Variants in MSRB3 observed in about 807,000 individuals in gnomAD.
MSRB3 encodes methionine sulfoxide reductase B3.
A neutral mutation model predicts 21.0 loss-of-function variants in MSRB3; 13 were observed. The ratio of observed to expected loss-of-function variants is 0.62; its 90% confidence interval spans 0.40 to 0.98. The LOEUF (loss-of-function observed/expected upper bound fraction) is 0.98, where lower values mean the gene tolerates loss of function less well. MSRB3 is among the 50% of genes least tolerant of loss of function. The pLI, the probability that MSRB3 is intolerant of heterozygous loss-of-function variation, is 0.00. For synonymous variants in MSRB3, 87 were observed against 88.6 expected (o/e 0.98, Z 0.10); for missense variants, 199 against 230.3 (o/e 0.86, Z 0.88).
chr12:65,394,432 A>G (rs1333688222), intron 5 of MSRB3, among the ~76,000 whole-genome samples: 1 of 152,224 alleles, frequency 6.6e-6, no homozygotes, highest in Non-Finnish European at 1.5e-5. Flanking sequence ...AGACAAGTAA[A>G]GAGATTAAAT....
At position 65,369,020 on chromosome 12, in the gene MSRB3, G is replaced by A. The variant is rs542501613; in HGVS notation, c.286G>A (p.Gly96Ser). Residue 96 changes from glycine to serine, a missense_variant, in exon 5 of 7, where the codon GGT becomes AGT. Physicochemically the swap from Gly to Ser is moderately conservative, Grantham distance 56. Coordinates refer to ENST00000308259, the MANE Select transcript of MSRB3 (RefSeq NM_001031679.3). The stretch of plus-strand genomic sequence containing the variant: ...CAGGTCAGAAACCAAATTTGACTCC[G>A]GTTCAGGTATGTTTACATTAATAAT... ...LFKSETKFDSGSGWPSFHDVI... is the reference protein window; with the variant it reads ...LFKSETKFDSSSGWPSFHDVI... 1.6e-5 allele frequency: 25 copies of A among 1,587,590 alleles called. No individual in the cohort carries two copies. The highest frequency in any genetic ancestry group is 2.7e-5 in the African/African-American group (2 of 72,904).
intron 6 of MSRB3, 76 bp from the exon 7 acceptor site, chr12:65,463,079 A>T: frequency 1.3e-6 from 2 of 1,573,402 alleles, no homozygotes; most frequent in Non-Finnish European, 1.7e-6. Flanking sequence ...TCATCCATTT[A>T]AACTGCTTAA....
chr12:65,289,434 A>G (rs186703090), intron 1 of MSRB3, among the ~76,000 whole-genome samples: 33 of 152,338 alleles, frequency 2.2e-4, no homozygotes, highest in African/African-American at 7.2e-4. Context: ...CAGAGGTTGC[A>G]GTGAGCCAAG....
Position 65,463,248 on chromosome 12 carries a change from G to A in MSRB3, c.484G>A (p.Ala162Thr), listed in dbSNP as rs866953404. The change falls in exon 7 of 7, where the codon GCG becomes ACG. Residue 162 changes from alanine to threonine, a missense_variant. Transcript: ENST00000308259. ...TTCGGCTGCCTTGTCTTTTACACCT[G>A]CGGATAGCAGTGGCACCGCCGAGGG... ...INSAALSFTP[A>T]DSSGTAEGGS... The A allele has an allele frequency of 6.2e-7, 1 of 1,614,178 alleles. No individual in the cohort carries two copies. Among genetic ancestry groups the A allele is most frequent in the African/African-American group, 1.3e-5 (1 of 75,042 alleles).
intron 5 of MSRB3, among the ~76,000 whole-genome samples, chr12:65,386,947 G>C (rs975929680): frequency 3.3e-5 from 5 of 151,832 alleles, no homozygotes; most frequent in African/African-American, 1.2e-4. Flanking sequence ...TAGAATTATT[G>C]GTTACACAGA....
chr12:65,363,530 C>G (rs567219214), intron 4 of MSRB3, among the ~76,000 whole-genome samples: 37 of 152,270 alleles, frequency 2.4e-4, no homozygotes, highest in African/African-American at 8.4e-4. Context: ...CTCCTAGTGT[C>G]TACCCTTTCT....
chr12:65,288,801 T>C (rs941193107), intron 1 of MSRB3, among the ~76,000 whole-genome samples: 7 of 152,278 alleles, frequency 4.6e-5, no homozygotes, highest in Non-Finnish European at 8.8e-5. Flanking sequence ...TTGGTTAATC[T>C]GGTCTTATTT....
At chr12:65,283,525 A>G (rs1872164561) in intron 1 of MSRB3, 1 of 151,772 alleles carries the variant, frequency 6.6e-6, no homozygotes. Flanking sequence ...CGAACTCCCT[A>G]GAATCAGGTG....
intron 5 of MSRB3, among the ~76,000 whole-genome samples, chr12:65,428,674 T>G (rs1881727546): frequency 6.6e-6 from 1 of 152,192 alleles, no homozygotes; most frequent in Non-Finnish European, 1.5e-5. Flanking sequence ...GGGCTTCTAA[T>G]TGACTATGGG....
At chr12:65,388,234 A>C (rs1023216916) in intron 5 of MSRB3, among the ~76,000 whole-genome samples, 1 of 152,158 alleles carries the variant, frequency 6.6e-6, no homozygotes, top group Non-Finnish European at 1.5e-5. Flanking sequence ...TTTTGTGTCC[A>C]CCAGAAAATG....
intron 5 of MSRB3, among the ~76,000 whole-genome samples, chr12:65,389,476 T>C (rs1038879699): frequency 6.6e-6 from 1 of 152,174 alleles, no homozygotes; most frequent in African/African-American, 2.4e-5. Context: ...CTTTCATCAT[T>C]GCTGTGATTT....
rs577222402 is a variant in MSRB3, at chr12:65,399,011, C to T, written c.292+29985C>T. Among the ~76,000 whole-genome samples, 7 of 152,182 alleles carry T rather than the reference C, an allele frequency of 4.6e-5. No individual in the cohort carries two copies. The South Asian group carries it at 1.5e-3, about 32-fold the overall frequency. ...ACCATGCTGTTTTGGTTACTGTAGC[C>T]TTATAGTATAGTTTGAAGTCAGGTA... On this transcript the variant is annotated intron_variant, in intron 5 of 6. Transcript: ENST00000308259.
At chr12:65,427,786 T>G (rs1881676840) in intron 5 of MSRB3, among the ~76,000 whole-genome samples, 1 of 152,100 alleles carries the variant, frequency 6.6e-6, no homozygotes, top group South Asian at 2.1e-4. Flanking sequence ...GTTACAGTGG[T>G]TTTGGAGTCA....
At chr12:65,453,420 A>G (rs1186531905) in intron 5 of MSRB3, among the ~76,000 whole-genome samples, 2 of 152,206 alleles carry the variant, frequency 1.3e-5, no homozygotes, top group Non-Finnish European at 2.9e-5. Flanking sequence ...GACAAGAGAA[A>G]GAGTGGTGAG....
At chr12:65,334,392 T>C (rs1257071597) in intron 4 of MSRB3, among the ~76,000 whole-genome samples, 1 of 152,098 alleles carries the variant, frequency 6.6e-6, no homozygotes, top group African/African-American at 2.4e-5. Flanking sequence ...TACAAATGGA[T>C]TTAGAATAGT....
intron 2 of MSRB3, among the ~76,000 whole-genome samples, chr12:65,318,656 T>C (rs570907299): frequency 2.6e-5 from 4 of 152,338 alleles, no homozygotes; most frequent in Non-Finnish European, 5.9e-5. Context: ...CACTTGATGA[T>C]GGCAGTGCCT....
intron 5 of MSRB3, chr12:65,419,313 C>T (rs1881152082): frequency 1.3e-6 from 1 of 755,440 alleles, no homozygotes; most frequent in South Asian, 1.4e-5. Flanking sequence ...GGGCATCTAC[C>T]TCCAAGATCA....
At chr12:65,445,649 AT>A (rs11388948) in intron 5 of MSRB3, among the ~76,000 whole-genome samples, 135 of 140,656 alleles carry the variant, frequency 9.6e-4, no homozygotes, top group Non-Finnish European at 1.2e-3. Context: ...CATATATATA[AT>A]TTTTTTTTTT....
chr12:65,321,332 G>A (rs1275059971), intron 2 of MSRB3, among the ~76,000 whole-genome samples: 1 of 152,084 alleles, frequency 6.6e-6, no homozygotes, highest in East Asian at 1.9e-4. Context: ...TTGAACTAAT[G>A]TATATATCTT....
Sources: gnomAD v4.1 joint callset for allele counts (sites outside exome capture counted in the v4.1 genomes callset) on GRCh38, gnomAD v4.1.1 for gene constraint, MANE v1.5 for transcripts, NCBI Gene and HGNC (gene_info 2026-07-23, HGNC 2026-07-21) for gene names.